The following PTPRO variants were observed in gnomAD, a reference collection of about 807,000 sequenced individuals.
The protein encoded by PTPRO is protein tyrosine phosphatase receptor type O, also known as receptor-type tyrosine-protein phosphatase O.
PTPRO carries 62 observed loss-of-function variants against 145.2 expected under a neutral mutation model. The observed-to-expected ratio is 0.43, with a 90% CI of 0.35 to 0.53. The LOEUF (loss-of-function observed/expected upper bound fraction) is 0.53, where lower values mean the gene tolerates loss of function less well. PTPRO is among the 20% of genes least tolerant of loss of function. The pLI, the probability that PTPRO is intolerant of heterozygous loss-of-function variation, is 0.01. For missense variants in PTPRO, 1,345 were observed against 1,482.7 expected, an observed-to-expected ratio of 0.91 and a Z score of 1.53; for synonymous variants, 565 against 514.7, an observed-to-expected ratio of 1.10 and a Z score of -1.32.
chr12:15,420,059 A>G (rs1940095269), intron 1 of PTPRO, among the ~76,000 whole-genome samples: 1 of 150,458 alleles, frequency 6.6e-6, no homozygotes, highest in African/African-American at 2.5e-5. Flanking sequence ...AGGCAGGAGA[A>G]CGGTGTGAAA....
intron 1 of PTPRO, among the ~76,000 whole-genome samples, chr12:15,393,439 C>T (rs1939245912): frequency 6.6e-6 from 1 of 152,168 alleles, no homozygotes; most frequent in Non-Finnish European, 1.5e-5. Context: ...TGGATCATTG[C>T]TCTTCCTGCT....
intron 26 of PTPRO, 50 bp downstream of exon 26, chr12:15,595,107 G>C: frequency 8.1e-7 from 1 of 1,229,006 alleles, no homozygotes; most frequent in Admixed American, 1.7e-5. Flanking sequence ...AACTATTAGA[G>C]GGGGATGTGA....
chr12:15,475,726 T>C (rs1270643247), intron 1 of PTPRO, among the ~76,000 whole-genome samples: 1 of 152,176 alleles, frequency 6.6e-6, no homozygotes, highest in Non-Finnish European at 1.5e-5. Context: ...CCCCATTCAC[T>C]AAGCATTTAA....
intron 1 of PTPRO, among the ~76,000 whole-genome samples, chr12:15,390,652 A>C (rs977202242): frequency 1.3e-5 from 2 of 152,190 alleles, no homozygotes; most frequent in African/African-American, 4.8e-5. Flanking sequence ...TCGTGGCAGA[A>C]AATAAGAATT....
chr12:15,352,524 G>T (rs933523930), intron 1 of PTPRO, among the ~76,000 whole-genome samples: 1 of 151,752 alleles, frequency 6.6e-6, no homozygotes, highest in Admixed American at 6.6e-5. Flanking sequence ...GGTGGCAGGC[G>T]CCTGTAGTCC....
At chr12:15,529,280 T>C (rs188026727) in intron 12 of PTPRO, among the ~76,000 whole-genome samples, 4 of 152,100 alleles carry the variant, frequency 2.6e-5, no homozygotes, top group African/African-American at 9.6e-5. Flanking sequence ...AGAGATGAAG[T>C]TAAATTTTTA....
chr12:15,535,760 C>T (rs1041738892), intron 12 of PTPRO, among the ~76,000 whole-genome samples: 1 of 152,178 alleles, frequency 6.6e-6, no homozygotes, highest in Non-Finnish European at 1.5e-5. Flanking sequence ...CAGGGAGGAG[C>T]CTCATACCCA....
intron 1 of PTPRO, among the ~76,000 whole-genome samples, chr12:15,413,320 C>T (rs1296331900): frequency 6.6e-6 from 1 of 152,160 alleles, no homozygotes; most frequent in East Asian, 1.9e-4. Context: ...TGGTCTCAAA[C>T]TCCTGGCCTC....
At chr12:15,440,220 TG>T in intron 1 of PTPRO, 1 of 655,308 alleles carries the variant, frequency 1.5e-6, no homozygotes, top group Non-Finnish European at 2.7e-6. Flanking sequence ...ACTGCCACCC[TG>T]GGCAACTTTT....
At chr12:15,474,377 G>A (rs911248637) in intron 1 of PTPRO, among the ~76,000 whole-genome samples, 1 of 152,106 alleles carries the variant, frequency 6.6e-6, no homozygotes, top group African/African-American at 2.4e-5. Context: ...CAGGTCACAG[G>A]CTCCTGGGCT....
intron 14 of PTPRO, 110 bp downstream of exon 14, chr12:15,549,336 T>A: frequency 1.1e-6 from 1 of 905,344 alleles, no homozygotes; most frequent in Non-Finnish European, 1.5e-6. Context: ...AGTCAGAGAG[T>A]CCTTAATTTC....
chr12:15,574,148 A>G (rs1215640864), intron 19 of PTPRO, among the ~76,000 whole-genome samples: 1 of 152,244 alleles, frequency 6.6e-6, no homozygotes, highest in African/African-American at 2.4e-5. Flanking sequence ...CTACCAATAC[A>G]GCCATAAGTC....
At chr12:15,461,768 G>C (rs531690084) in intron 1 of PTPRO, among the ~76,000 whole-genome samples, 1 of 151,652 alleles carries the variant, frequency 6.6e-6, no homozygotes, top group Non-Finnish European at 1.5e-5. Flanking sequence ...GGGTTTCACC[G>C]TGTTGGCCAT....
Position 15,597,417 on chromosome 12 carries a change from G to A in PTPRO, c.*1344G>A, listed in dbSNP as rs1252634058. On this transcript the variant is annotated 3_prime_UTR_variant, in exon 27 of 27. Coordinates refer to ENST00000281171, the MANE Select transcript of PTPRO (RefSeq NM_030667.3). ...AACTGTGGCTATTGTGAGCCTCCGT[G>A]TGTGTGCTTCCAGGAGGCTTTGCTC... The A allele has an allele frequency of 6.6e-6, 1 of 152,222 alleles. No individual in the cohort carries two copies. The highest frequency in any genetic ancestry group is 2.4e-5 in the African/African-American group (1 of 41,456). 9.4% of individuals were successfully genotyped at this position (152,222 alleles called of 1,614,324 possible). A position where few individuals can be genotyped will look rare whatever the true frequency, so the allele number is the denominator to read the frequency against.
At chr12:15,539,818 A>G (rs1312568879) in intron 12 of PTPRO, among the ~76,000 whole-genome samples, 1 of 149,780 alleles carries the variant, frequency 6.7e-6, no homozygotes, top group African/African-American at 2.4e-5. Flanking sequence ...AAAGTAATGC[A>G]AATGACAGAC....
At chr12:15,451,841 A>G (rs1170438140) in intron 1 of PTPRO, among the ~76,000 whole-genome samples, 1 of 152,220 alleles carries the variant, frequency 6.6e-6, no homozygotes, top group Non-Finnish European at 1.5e-5. Flanking sequence ...GGTACAGCAA[A>G]GGCTGTGCTG....
chr12:15,458,511 T>G (rs989178530), intron 1 of PTPRO, among the ~76,000 whole-genome samples: 4 of 151,938 alleles, frequency 2.6e-5, no homozygotes, highest in Non-Finnish European at 5.9e-5. Flanking sequence ...GTCCCTTAAG[T>G]GAGCTTTTAT....
At chr12:15,454,822 T>C (rs1189340629) in intron 1 of PTPRO, among the ~76,000 whole-genome samples, 2 of 152,206 alleles carry the variant, frequency 1.3e-5, no homozygotes, top group Non-Finnish European at 2.9e-5. Context: ...CTCAACACCA[T>C]TGGTTGAAGA....
intron 1 of PTPRO, among the ~76,000 whole-genome samples, chr12:15,466,025 A>T (rs1030661622): frequency 3.3e-5 from 5 of 152,212 alleles, no homozygotes; most frequent in South Asian, 2.1e-4. Flanking sequence ...CAATATGATC[A>T]TCACAAAAGT....
Sources: gnomAD v4.1 joint callset for allele counts (sites outside exome capture counted in the v4.1 genomes callset) on GRCh38, gnomAD v4.1.1 for gene constraint, MANE v1.5 for transcripts, NCBI Gene and HGNC (gene_info 2026-07-23, HGNC 2026-07-21) for gene names.